The following SMG1 variants were observed in gnomAD, a reference collection of about 807,000 sequenced individuals.
The protein encoded by SMG1 is SMG1 nonsense mediated mRNA decay associated PI3K related kinase.
In SMG1, 22 loss-of-function variants were observed where a neutral mutation model predicts 419.9. The ratio of observed to expected loss-of-function variants is 0.05; its 90% CI spans 0.04 to 0.07. The LOEUF is 0.07. Among genes scored for constraint, SMG1 ranks in the 10% least tolerant of loss-of-function variants. SMG1 has a pLI of 1.00. For synonymous variants in SMG1, 1,538 were observed against 1,553.5 expected (o/e 0.99, Z 0.23); for missense variants, 3,185 against 4,342.0 (o/e 0.73, Z 7.49).
At chr16:18,908,332 T>A (rs1193398509) in intron 1 of SMG1, among the ~76,000 whole-genome samples, 1 of 138,562 alleles carries the variant, frequency 7.2e-6, no homozygotes, top group African/African-American at 2.8e-5. Flanking sequence ...ACCACTACAC[T>A]CCAGCCTGGA....
At position 18,916,050 on chromosome 16, in the gene SMG1, T is replaced by G. The variant is rs1341216588; in HGVS notation, c.92+9900A>C. ...CACCATTGCACTCCAGCCTGGGGGA[T>G]AAGAGCGACACTTCGTCTCAAAAAA... is the stretch of plus-strand genomic sequence containing the variant. On this transcript the variant is annotated intron_variant, in intron 1 of 62. Transcript: ENST00000446231. Among the ~76,000 whole-genome samples, 11 of 94,514 alleles carry G rather than the reference T, an allele frequency of 1.2e-4. No homozygotes were observed. The South Asian group carries it at 2.2e-3, about 19-fold the overall frequency. 62.0% of individuals were successfully genotyped at this position (94,514 alleles called of 152,430 possible).
chr16:18,892,156 G>A (rs1009441456), intron 4 of SMG1, 62 bp downstream of exon 4: 126 of 1,055,492 alleles, frequency 1.2e-4, no homozygotes, highest in Non-Finnish European at 1.4e-5. Flanking sequence ...ACTCAAGGTA[G>A]CATTACCTAG....
At chr16:18,910,864 C>A (rs1471359939) in intron 1 of SMG1, among the ~76,000 whole-genome samples, 2 of 152,112 alleles carry the variant, frequency 1.3e-5, no homozygotes, top group Non-Finnish European at 2.9e-5. Flanking sequence ...TATACACAGC[C>A]ATACACACTA....
chr16:18,881,659 T>A (rs1216269427), intron 10 of SMG1, among the ~76,000 whole-genome samples: 1 of 152,188 alleles, frequency 6.6e-6, no homozygotes, highest in African/African-American at 2.4e-5. Flanking sequence ...ACAGTGCAGC[T>A]AATGTTTGAG....
rs1306228374 is a variant in SMG1, at chr16:18,837,310, A to G, written c.7547T>C (p.Ile2516Thr). 6.2e-7 allele frequency: 1 copy of G among 1,614,008 alleles called. No individual in the cohort carries two copies. The highest frequency in any genetic ancestry group is 8.5e-7 in the Non-Finnish European group (1 of 1,179,892). ...CCCTTCAGCTCCTTCTAGAAACTCTATTTCCTCCAGTAGTTTGCCCTGCAG... is the reference window on the plus strand; with the variant it reads ...CCCTTCAGCTCCTTCTAGAAACTCTGTTTCCTCCAGTAGTTTGCCCTGCAG... ...EKLQGKLLEE[I>T]EFLEGAEGVD... The change falls in exon 46 of 63, where the codon ATA (isoleucine) becomes ACA (threonine). Residue 2516 changes from isoleucine (I) to threonine (T), a missense_variant. Around this residue, in one of 27 missense-constraint regions of SMG1, gnomAD observed 412 missense variants for 546.6 expected, o/e 0.75. Coordinates refer to ENST00000446231, the MANE Select transcript of SMG1 (RefSeq NM_015092.5).
intron 62 of SMG1, among the ~76,000 whole-genome samples, chr16:18,811,072 G>A (rs1445575287): frequency 6.6e-6 from 1 of 152,148 alleles, no homozygotes; most frequent in African/African-American, 2.4e-5. Flanking sequence ...GATACCCAAA[G>A]ATGCTTTACA....
At chr16:18,888,634 A>G (rs1316672259) in intron 6 of SMG1, among the ~76,000 whole-genome samples, 2 of 151,498 alleles carry the variant, frequency 1.3e-5, no homozygotes, top group Non-Finnish European at 2.9e-5. Context: ...TGCCTGGCTA[A>G]TTTTTGTATT....
At chr16:18,837,960 G>A in intron 45 of SMG1, 54 bp downstream of exon 45, 1 of 1,559,084 alleles carries the variant, frequency 6.4e-7, no homozygotes, top group South Asian at 1.2e-5. Context: ...TGATGAGCAT[G>A]TTTACTCTAT....
At chr16:18,912,779 A>G (rs1434347117) in intron 1 of SMG1, among the ~76,000 whole-genome samples, 1 of 152,182 alleles carries the variant, frequency 6.6e-6, no homozygotes, top group Non-Finnish European at 1.5e-5. Context: ...CATTTTTAAT[A>G]GAATCCTTAC....
At chr16:18,866,019 T>C (rs1338970140) in intron 23 of SMG1, 1 of 152,704 alleles carries the variant, frequency 6.5e-6, no homozygotes, top group Admixed American at 6.5e-5. Context: ...TAAAACCATG[T>C]GCCTATGTAC....
intron 56 of SMG1, 150 bp downstream of exon 56, chr16:18,819,352 T>A (rs2032310714): frequency 1.4e-6 from 1 of 698,296 alleles, no homozygotes. Flanking sequence ...ACTTAAGGCA[T>A]GTCCTGAAAG....
intron 1 of SMG1, among the ~76,000 whole-genome samples, chr16:18,919,657 T>TACACACACAC (rs368125844): frequency 1.6e-5 from 2 of 125,748 alleles, no homozygotes; most frequent in East Asian, 2.4e-4. Flanking sequence ...TGTGTATATA[T>TACACACACAC]ACACACACAC....
chr16:18,846,300 A>AAACC (rs1214952183), intron 38 of SMG1, among the ~76,000 whole-genome samples: 1 of 152,218 alleles, frequency 6.6e-6, no homozygotes, highest in Non-Finnish European at 1.5e-5. Flanking sequence ...CATAAGGGAA[A>AAACC]GGTTTCATGA....
At chr16:18,828,984 G>A (rs1332335225) in intron 54 of SMG1, among the ~76,000 whole-genome samples, 2 of 144,822 alleles carry the variant, frequency 1.4e-5, no homozygotes, top group African/African-American at 5.1e-5. Context: ...GGCAAGAAGA[G>A]CAAAACTCCA....
rs528396909 is a variant in SMG1, at chr16:18,884,827, A to G, written c.1021+263T>C. On this transcript the variant is annotated intron_variant, in intron 8 of 62. Coordinates refer to ENST00000446231, the MANE Select transcript of SMG1 (RefSeq NM_015092.5). ...TCCACTTCAGGGTATTGCCACTACA[A>G]TATATTCTTACCATACACTTTCCTA... 220 of 424,524 alleles carry G rather than the reference A, an allele frequency of 5.2e-4. 4 individuals carry two copies. In the South Asian group the frequency reaches 8.0e-3, roughly 15 times the overall value. 26.3% of individuals were successfully genotyped at this position (424,524 alleles called of 1,614,324 possible).
At chr16:18,921,170 G>C (rs1244563757) in intron 1 of SMG1, among the ~76,000 whole-genome samples, 5 of 150,374 alleles carry the variant, frequency 3.3e-5, no homozygotes, top group Non-Finnish European at 5.9e-5. Context: ...GAGAGAGAGA[G>C]GAAAAATAAA....
At chr16:18,836,651 G>A in intron 46 of SMG1, 119 bp from the exon 47 acceptor site, 1 of 1,003,804 alleles carries the variant, frequency 1.0e-6, no homozygotes, top group East Asian at 2.4e-5. Flanking sequence ...TCACCTTGAG[G>A]GCCCTCCTCA....
chr16:18,818,926 C>G (rs2032267660), intron 56 of SMG1, among the ~76,000 whole-genome samples: 1 of 151,880 alleles, frequency 6.6e-6, no homozygotes, highest in Non-Finnish European at 1.5e-5. Flanking sequence ...AAGCGATTCC[C>G]CTGCCTCAGA....
intron 38 of SMG1, among the ~76,000 whole-genome samples, chr16:18,846,838 T>C (rs932371732): frequency 2.6e-5 from 4 of 152,182 alleles, no homozygotes; most frequent in South Asian, 2.1e-4. Context: ...AGACGTAGAA[T>C]TGCCATATTG....
Sources: gnomAD v4.1 joint callset for allele counts (sites outside exome capture counted in the v4.1 genomes callset) on GRCh38, gnomAD v4.1.1 for gene constraint, gnomAD v4.1.1 regional missense constraint, MANE v1.5 for transcripts, NCBI Gene and HGNC (gene_info 2026-07-23, HGNC 2026-07-21) for gene names.